The following SNRPN variants were observed in gnomAD, a reference collection of about 807,000 sequenced individuals.
SNRPN encodes small nuclear ribonucleoprotein-associated protein N.
A neutral mutation model predicts 25.2 loss-of-function variants in SNRPN; 7 were observed. The observed-to-expected ratio is 0.28, with a 90% CI of 0.16 to 0.52. SNRPN has a LOEUF of 0.52. Ranked by LOEUF, SNRPN falls within the 20% of genes least tolerant of loss-of-function variation. SNRPN has a pLI of 0.96. For missense variants in SNRPN, 196 were observed against 322.5 expected (o/e 0.61, Z 3.00); for synonymous variants, 124 against 110.6 (o/e 1.12, Z -0.76).
chr15:24,878,351 C>G (rs981463329), intron 1 of SNRPN, among the ~76,000 whole-genome samples: 1 of 152,128 alleles, frequency 6.6e-6, no homozygotes, highest in Non-Finnish European at 1.5e-5. Flanking sequence ...GGCCGACAAA[C>G]CCGCAGTGCG....
intron 1 of SNRPN, among the ~76,000 whole-genome samples, chr15:24,956,359 G>GGGC (rs200069493): frequency 1.3e-5 from 2 of 151,392 alleles, no homozygotes; most frequent in Non-Finnish European, 2.9e-5. Flanking sequence ...TTCAGCGGGG[G>GGGC]GGTGGCCGCT....
intron 1 of SNRPN, among the ~76,000 whole-genome samples, chr15:24,866,034 T>C (rs1158562813): frequency 6.6e-6 from 1 of 152,152 alleles, no homozygotes; most frequent in East Asian, 1.9e-4. Context: ...GCCTCGTAGT[T>C]TTATGTTCTG....
At chr15:24,833,062 A>G (rs4489982) in intron 2 of SNRPN, among the ~76,000 whole-genome samples, 82,233 of 141,942 alleles carry the variant, frequency 0.58, 23,634 homozygotes, top group East Asian at 0.83. Flanking sequence ...CCAAGATTGC[A>G]CCACTGCATT....
chr15:24,881,032 G>A (rs898627912), intron 1 of SNRPN, among the ~76,000 whole-genome samples: 6 of 151,950 alleles, frequency 3.9e-5, no homozygotes, highest in African/African-American at 9.7e-5. Flanking sequence ...GAATAATGAC[G>A]GTCCATGCAG....
At chr15:24,870,180 T>A (rs1365796055) in intron 1 of SNRPN, among the ~76,000 whole-genome samples, 1 of 152,174 alleles carries the variant, frequency 6.6e-6, no homozygotes, top group East Asian at 1.9e-4. Flanking sequence ...ATTGTGTTTA[T>A]TTCGTGCCCA....
At chr15:24,934,673 A>G (rs371051269) in intron 3 of SNRPN, among the ~76,000 whole-genome samples, 1 of 152,134 alleles carries the variant, frequency 6.6e-6, no homozygotes, top group Admixed American at 6.5e-5. Context: ...ATCCTATCTC[A>G]GCCTTCTGAG....
intron 1 of SNRPN, among the ~76,000 whole-genome samples, chr15:24,858,316 C>T (rs1435187853): frequency 6.6e-6 from 1 of 152,090 alleles, no homozygotes; most frequent in Non-Finnish European, 1.5e-5. Context: ...ACAAGGGCAG[C>T]TTGGAGGTTA....
intron 2 of SNRPN, among the ~76,000 whole-genome samples, chr15:24,895,311 G>C (rs1346318760): frequency 6.6e-6 from 1 of 151,834 alleles, no homozygotes; most frequent in African/African-American, 2.4e-5. Context: ...AATTCCTTCA[G>C]CTTAAAATAT....
chr15:24,845,185 CAT>C (rs2052075964), intron 2 of SNRPN, among the ~76,000 whole-genome samples: 1 of 152,118 alleles, frequency 6.6e-6, no homozygotes, highest in African/African-American at 2.4e-5. Flanking sequence ...TATACATATC[CAT>C]ATATGAATAT....
chr15:24,843,833 C>T (rs1009662523), intron 2 of SNRPN, among the ~76,000 whole-genome samples: 2 of 120,438 alleles, frequency 1.7e-5, no homozygotes, highest in Non-Finnish European at 3.7e-5. Flanking sequence ...CTTAGCTAGG[C>T]GTGGTGGCAC....
chr15:24,966,798 A>G (rs2075705403), intron 2 of SNRPN, among the ~76,000 whole-genome samples: 1 of 152,106 alleles, frequency 6.6e-6, no homozygotes, highest in Non-Finnish European at 1.5e-5. Context: ...CCAATTTCCA[A>G]ATCCTTACAT....
At chr15:24,881,384 AG>A (rs944172060) in intron 1 of SNRPN, among the ~76,000 whole-genome samples, 1 of 150,600 alleles carries the variant, frequency 6.6e-6, no homozygotes, top group Admixed American at 6.6e-5. Flanking sequence ...AAAAACAATG[AG>A]CTGGGCATGG....
chr15:24,918,169 T>A (rs2059651100), intron 2 of SNRPN, among the ~76,000 whole-genome samples: 2 of 151,736 alleles, frequency 1.3e-5, no homozygotes, highest in Admixed American at 6.6e-5. Context: ...TTGCTTTTGA[T>A]TCTATCATTC....
At chr15:24,967,658 A>T (rs995459707) in intron 2 of SNRPN, among the ~76,000 whole-genome samples, 2 of 140,508 alleles carry the variant, frequency 1.4e-5, no homozygotes, top group African/African-American at 5.3e-5. Flanking sequence ...AAAAAAAAAA[A>T]TTAGCTGGGT....
chr15:24,909,663 G>C, intron 2 of SNRPN: 1 of 1,227,394 alleles, frequency 8.1e-7, no homozygotes, highest in East Asian at 2.3e-5. Context: ...TTTGTTACAC[G>C]AACTATCATC....
intron 3 of SNRPN, among the ~76,000 whole-genome samples, chr15:24,948,995 A>G (rs994056806): frequency 2.4e-5 from 3 of 123,984 alleles, no homozygotes; most frequent in African/African-American, 9.0e-5. Context: ...TTCTGTCTAT[A>G]TGGATTTGCC....
intron 1 of SNRPN, among the ~76,000 whole-genome samples, chr15:24,824,746 ACTC>A (rs1249280341): frequency 2.0e-5 from 3 of 151,920 alleles, no homozygotes; most frequent in Admixed American, 6.5e-5. Flanking sequence ...AACCTTTGAC[ACTC>A]CTCATATATC....
intron 2 of SNRPN, among the ~76,000 whole-genome samples, chr15:24,843,922 G>C (rs1275527352): frequency 1.3e-5 from 2 of 151,640 alleles, no homozygotes; most frequent in African/African-American, 2.4e-5. Flanking sequence ...GCAGTGAGCT[G>C]AGATGGTGCC....
chr15:24,968,492 A>G (rs1243787346), intron 3 of SNRPN: 4 of 156,420 alleles, frequency 2.6e-5, no homozygotes, highest in Non-Finnish European at 5.7e-5. Context: ...AAATATGCAG[A>G]TGTGAAAATA....
Sources: allele counts gnomAD v4.1 joint callset (sites outside exome capture counted in the v4.1 genomes callset), GRCh38; gene constraint gnomAD v4.1.1; transcripts MANE v1.5; gene names NCBI Gene and HGNC (gene_info 2026-07-23, HGNC 2026-07-21).